Variants in KMT2D observed in about 807,000 individuals in gnomAD.
KMT2D encodes the protein lysine methyltransferase 2D.
A neutral mutation model predicts 512.7 loss-of-function variants in KMT2D; 55 were observed. The ratio of observed to expected loss-of-function variants is 0.11; its 90% CI spans 0.09 to 0.13. KMT2D has a LOEUF of 0.13. Among genes scored for constraint, KMT2D ranks in the 10% least tolerant of loss-of-function variants. The pLI, the probability that KMT2D is intolerant of heterozygous loss-of-function variation, is 1.00. For missense variants in KMT2D, 6,061 were observed against 7,127.9 expected, an observed-to-expected ratio of 0.85 and a Z score of 5.39; for synonymous variants, 2,995 against 2,904.0, an observed-to-expected ratio of 1.03 and a Z score of -1.01.
chr12:49,051,254 G>C lies in KMT2D; in HGVS notation c.2429C>G (p.Thr810Ser), dbSNP rs2120666515. 4 of 1,540,870 alleles carry C rather than the reference G, an allele frequency of 2.6e-6. No homozygotes were observed. Residue 810 changes from threonine (T) to serine (S), a missense_variant, in exon 11 of 55, where the codon ACT (threonine) becomes AGT (serine). Physicochemically the swap from Thr to Ser is moderately conservative, Grantham distance 58. Coordinates refer to ENST00000301067, the MANE Select transcript of KMT2D (RefSeq NM_003482.4). The part of the protein sequence containing the change: ...QPEELHLSPQ[T>S]EEPHLSPVPE... ...CACAGGAGACAGGTGCGGCTCCTCA[G>C]TCTGGGGGGACAGGTGCAATTCCTC... is the stretch of plus-strand genomic sequence containing the variant.
In KMT2D at chr12:49,041,096, T is replaced by G; in HGVS notation, c.6674A>C (p.Glu2225Ala). Reference protein sequence around the residue: ...SSRPGAGQPGEFHTTPPGTPR... With the variant: ...SSRPGAGQPGAFHTTPPGTPR... ...GGTGCCAGGTGGGGTAGTGTGGAAT[T>G]CCCCTGGCTGGCCAGCCCCAGGACG... The change falls in exon 32 of 55, where the codon GAA (glutamate) becomes GCA (alanine). Residue 2225 changes from glutamate (E) to alanine (A), a missense_variant. Physicochemically the swap from Glu to Ala is moderately radical, Grantham distance 107. Coordinates refer to ENST00000301067, the MANE Select transcript of KMT2D (RefSeq NM_003482.4). The surrounding 1 kb of genome is among the most constrained non-coding windows in gnomAD (Gnocchi z 5.4). The G allele has an allele frequency of 6.5e-7, 1 of 1,531,390 alleles. No individual in the cohort carries two copies. Among genetic ancestry groups the G allele is most frequent in the Non-Finnish European group, 8.7e-7 (1 of 1,142,866 alleles). 94.9% of individuals were successfully genotyped at this position (1,531,390 alleles called of 1,614,324 possible). A position where few individuals can be genotyped will look rare whatever the true frequency, so the allele number is the denominator to read the frequency against.
intron 35 of KMT2D, chr12:49,035,999 T>A (rs893797395): frequency 2.0e-5 from 3 of 152,248 alleles, no homozygotes; most frequent in Non-Finnish European, 2.9e-5. Flanking sequence ...TTACTTAACC[T>A]CCACTTCTGT....
chr12:49,025,159 T>G (rs1942511278), intron 49 of KMT2D, among the ~76,000 whole-genome samples: 1 of 152,124 alleles, frequency 6.6e-6, no homozygotes. Flanking sequence ...CACAGAGCCT[T>G]GAGATACAAA....
In KMT2D at chr12:49,059,822, C is replaced by T. The variant is rs1386580812; in HGVS notation, c.-247G>A. ...AAGAGGGGTTCTCTGCCTCAGGTTCCAGCAGTTTAGGTTTCCATGGACAGC... is the reference window on the plus strand; with the variant it reads ...AAGAGGGGTTCTCTGCCTCAGGTTCTAGCAGTTTAGGTTTCCATGGACAGC... On this transcript the variant is annotated 5_prime_UTR_variant, in exon 1 of 55. Coordinates refer to ENST00000301067, the MANE Select transcript of KMT2D (RefSeq NM_003482.4). 2 of 152,278 alleles carry T rather than the reference C, an allele frequency of 1.3e-5. No homozygotes were observed. Among genetic ancestry groups the T allele is most frequent in the Non-Finnish European group, 2.9e-5 (2 of 68,156 alleles). The allele number at this position is 152,278 out of a possible 1,614,324, so 9.4% of individuals were successfully genotyped here.
rs1942915602 is a variant in KMT2D at position 49,031,638 on chromosome 12, C to T, written c.13067G>A (p.Gly4356Glu). Residue 4356 changes from glycine to glutamate, a missense_variant, in exon 40 of 55, where the codon GGG becomes GAG. Around this residue, in one of 16 missense-constraint regions of KMT2D, gnomAD observed 1,600 missense variants for 1,754.9 expected, o/e 0.91. Transcript: ENST00000301067. ...PQGPTLEPPP[G>E]RVSPAAAQLA... ...CTGGGCAGCAGCAGGTGAGACCCTCCCAGGAGGCGGCTCCAAGGTTGGCCC... is the reference window on the plus strand; with the variant it reads ...CTGGGCAGCAGCAGGTGAGACCCTCTCAGGAGGCGGCTCCAAGGTTGGCCC... The T allele has an allele frequency of 6.2e-7, 1 of 1,604,302 alleles. No homozygotes were observed. The highest frequency in any genetic ancestry group is 8.5e-7 in the Non-Finnish European group (1 of 1,175,658).
chr12:49,019,242 CTT>C lies in KMT2D; in HGVS notation c.*2536_*2537del. 2.3e-6 allele frequency: 2 copies of C among 870,426 alleles called. No homozygotes were observed. Among genetic ancestry groups the C allele is most frequent in the Non-Finnish European group, 2.9e-6 (2 of 701,596 alleles). The allele number at this position is 870,426 out of a possible 1,614,324, so 53.9% of individuals were successfully genotyped here. On this transcript the variant is annotated 3_prime_UTR_variant, in exon 55 of 55. Transcript: ENST00000301067. ...AAATAAAGTCTTCACGGGATTCACA[CTT>C]GTCAGCGATTTATTTTTTAAAAAGG...
Position 49,028,039 on chromosome 12 carries a change from C to T in KMT2D, c.14485G>A (p.Glu4829Lys), listed in dbSNP as rs760667471. The change falls in exon 47 of 55, where the codon GAG (glutamate) becomes AAG (lysine). Residue 4829 changes from glutamate (E) to lysine (K), a missense_variant. Physicochemically the swap from Glu to Lys is moderately conservative, Grantham distance 56. This residue lies in a region of KMT2D where 1,600 missense variants were observed against 1,754.9 expected (regional missense o/e 0.91). Coordinates refer to ENST00000301067, the MANE Select transcript of KMT2D (RefSeq NM_003482.4). ...FPESPARAGT[E>K]PKKGEAEGPG... ...CCCTCAGCTTCCCCCTTCTTTGGCT[C>T]AGTGCCTGCCCGGGCGGGGCTCTCT... The T allele has an allele frequency of 4.3e-6, 7 of 1,613,242 alleles. No individual in the cohort carries two copies. The African/African-American group carries it at 9.3e-5, about 22-fold the overall frequency.
chr12:49,034,183 G>A lies in KMT2D; in HGVS notation c.10624C>T (p.Leu3542=). 6.2e-7 allele frequency: 1 copy of A among 1,613,500 alleles called. No homozygotes were observed. The highest frequency in any genetic ancestry group is 2.2e-5 in the East Asian group (1 of 44,874). ...IGVHRKSRKA[L]CAKQRTAKKA... ...TTGGCAGTGCGCTGCTTGGCACACA[G>A]AGCCTTCCGGGACTTGCGGTGTACA... The change falls in exon 39 of 55, where the codon CTG becomes TTG. Residue 3542 remains leucine (L), a synonymous_variant. Transcript: ENST00000301067.
rs760007799 is a variant in KMT2D at position 49,040,001 on chromosome 12, G to A, written c.7769C>T (p.Ser2590Leu). The change falls in exon 32 of 55, where the codon TCG becomes TTG. Residue 2590 changes from serine (S) to leucine (L), a missense_variant. By Grantham distance (145) the Ser-to-Leu change is moderately radical. Transcript: ENST00000301067. ...GCTGCTGGGCCCCAGGGGGCTGCCC[G>A]ATGGGTGGAAGTTCCCTGTGGCTAC... Reference protein sequence around the residue: ...YTVATGNFHPSGSPLGPSSGS... With the variant: ...YTVATGNFHPLGSPLGPSSGS... 23 of 1,613,544 alleles carry A rather than the reference G, an allele frequency of 1.4e-5. No homozygotes were observed. Among genetic ancestry groups the A allele is most frequent in the South Asian group, 7.7e-5 (7 of 91,024 alleles).
intron 1 of KMT2D, among the ~76,000 whole-genome samples, chr12:49,057,473 C>G (rs1039516806): frequency 4.6e-5 from 7 of 152,188 alleles, no homozygotes; most frequent in Non-Finnish European, 1.0e-4. Context: ...CAAGAAGGTA[C>G]AGAAACCACC....
Position 49,051,483 on chromosome 12 carries a change from G to C in KMT2D, c.2200C>G (p.Leu734Val), listed in dbSNP as rs760375425. ...TGCGGCCCCTCGGACCGGGGGCAGA[G>C]TTGCGGCTCCTCAGGTAGTGGCAAC... ...PLLPLPEEPQ[L>V]CPRSEGPHLS... is the part of the protein sequence containing the mutation. The change falls in exon 11 of 55, where the codon CTC (leucine) becomes GTC (valine). Residue 734 changes from leucine to valine, a missense_variant. Coordinates refer to ENST00000301067, the MANE Select transcript of KMT2D (RefSeq NM_003482.4). The C allele has an allele frequency of 2.2e-5, 36 of 1,613,648 alleles. No individual in the cohort carries two copies. The highest frequency in any genetic ancestry group is 3.0e-5 in the Non-Finnish European group (35 of 1,179,734).
rs1428198343 is a variant in KMT2D, at chr12:49,039,556, T to C, written c.8108A>G (p.Glu2703Gly). 9 of 1,611,524 alleles carry C rather than the reference T, an allele frequency of 5.6e-6. No individual in the cohort carries two copies. The South Asian group carries it at 8.8e-5, about 16-fold the overall frequency. Residue 2703 changes from glutamate to glycine, a missense_variant, in exon 33 of 55, where the codon GAG becomes GGG. By Grantham distance (98) the Glu-to-Gly change is moderately conservative. This residue lies in a region of KMT2D where 527 missense variants were observed against 578.9 expected (regional missense o/e 0.91). Coordinates refer to ENST00000301067, the MANE Select transcript of KMT2D (RefSeq NM_003482.4). The surrounding 1 kb of genome is among the most constrained non-coding windows in gnomAD (Gnocchi z 5.0). ...TGCAGCTGCTGCAGCTGTTTCCTTC[T>C]CCTGCCGCAGGGTGTTGCGCTGGAT... ...QQIQRNTLRQ[E>G]KETAAAAAGA...
At position 49,041,760 on chromosome 12, in the gene KMT2D, C is replaced by T; in HGVS notation, c.6184-55G>A. 6.4e-7 allele frequency: 1 copy of T among 1,566,966 alleles called. No homozygotes were observed. The highest frequency in any genetic ancestry group is 1.7e-4 in the Middle Eastern group (1 of 5,922). ...CTAGTGCTTGGTCTCATGCCCCGCCCCCATACTGTAGTGTTTTCACACTCC... is the reference window on the plus strand; with the variant it reads ...CTAGTGCTTGGTCTCATGCCCCGCCTCCATACTGTAGTGTTTTCACACTCC... On this transcript the variant is annotated intron_variant, in intron 30 of 54. Coordinates refer to ENST00000301067, the MANE Select transcript of KMT2D (RefSeq NM_003482.4). This position sits in a 1 kb window ranked among gnomAD's most constrained non-coding sequence, Gnocchi z 5.4.
chr12:49,033,872 T>TTGTTGCTGCTGCTGC lies in KMT2D; in HGVS notation c.10832_10833insGCAGCAGCAGCAACA (p.Gln3608_Gln3612dup), dbSNP rs778667155. On this transcript the variant is annotated inframe_insertion, in exon 40 of 55. Coordinates refer to ENST00000301067, the MANE Select transcript of KMT2D (RefSeq NM_003482.4). ...TGAGAGCCAGCACAGCTGAGTGCTGTTGCTGTTGTTGCTGCTGCTGCTGCT... is the reference window on the plus strand; with the variant it reads ...TGAGAGCCAGCACAGCTGAGTGCTGTTGTTGCTGCTGCTGCTGCTGTTGTTGCTGCTGCTGCTGCT... 11 of 1,550,810 alleles carry TTGTTGCTGCTGCTGC rather than the reference T, an allele frequency of 7.1e-6. No homozygotes were observed. In the East Asian group the frequency reaches 2.4e-4, roughly 34 times the overall value.
At chr12:49,053,705 T>TAC in intron 6 of KMT2D, 64 bp from the exon 7 acceptor site, 1 of 1,500,478 alleles carries the variant, frequency 6.7e-7, no homozygotes, top group Non-Finnish European at 9.0e-7. Context: ...CACATTGCTG[T>TAC]ACACAAAACA....
In KMT2D at chr12:49,039,768, C is replaced by T. The variant is rs768870625; in HGVS notation, c.8002G>A (p.Gly2668Ser). The T allele has an allele frequency of 6.2e-7, 1 of 1,613,870 alleles. No individual in the cohort carries two copies. The highest frequency in any genetic ancestry group is 2.2e-5 in the East Asian group (1 of 44,892). Residue 2668 changes from glycine (G) to serine (S), a missense_variant, in exon 32 of 55, where the codon GGC (glycine) becomes AGC (serine). By Grantham distance (56) the Gly-to-Ser change is moderately conservative (BLOSUM62 0). This residue lies in a region of KMT2D where 527 missense variants were observed against 578.9 expected (regional missense o/e 0.91). Transcript: ENST00000301067. This position sits in a 1 kb window ranked among gnomAD's most constrained non-coding sequence, Gnocchi z 5.0. ...TAELPGTQDP[G>S]MSGLSQTELE... ...TCTGTTTGGCTAAGGCCGGACATGCCTGGGTCCTGGGTACCTGGGAGTTCA... is the reference window on the plus strand; with the variant it reads ...TCTGTTTGGCTAAGGCCGGACATGCTTGGGTCCTGGGTACCTGGGAGTTCA...
Position 49,021,773 on chromosome 12 carries a change from A to T in KMT2D, c.*7T>A, listed in dbSNP as rs1472408277. ...GGGACTCCCCTGCCTGGTAGCCTCA[A>T]AGCTTCTTAGTTCATCCATTTCCGA... On this transcript the variant is annotated 3_prime_UTR_variant, in exon 55 of 55. Coordinates refer to ENST00000301067, the MANE Select transcript of KMT2D (RefSeq NM_003482.4). 6 of 1,610,826 alleles carry T rather than the reference A, an allele frequency of 3.7e-6. No homozygotes were observed. Among genetic ancestry groups the T allele is most frequent in the Non-Finnish European group, 4.2e-6 (5 of 1,176,998 alleles).
In KMT2D at chr12:49,060,142, C is replaced by G. The variant is rs978127863; in HGVS notation, c.-567G>C. Among the ~76,000 whole-genome samples the G allele has an allele frequency of 1.5e-4, 23 of 151,032 alleles. No individual in the cohort carries two copies. Among genetic ancestry groups the G allele is most frequent in the African/African-American group, 5.1e-4 (21 of 41,154 alleles). The stretch of plus-strand genomic sequence containing the variant: ...CCCCGCCCCGGCCGGCGCCCGGGGC[C>G]GCGCGAGCTACGGCGACGCGGGGCC... On this transcript the variant is annotated 5_prime_UTR_variant, in exon 1 of 55. Coordinates refer to ENST00000301067, the MANE Select transcript of KMT2D (RefSeq NM_003482.4).
In KMT2D at chr12:49,034,439, T is replaced by G; in HGVS notation, c.10478A>C (p.Asn3493Thr). The G allele has an allele frequency of 6.2e-7, 1 of 1,613,578 alleles. No individual in the cohort carries two copies. Among genetic ancestry groups the G allele is most frequent in the Non-Finnish European group, 8.5e-7 (1 of 1,179,772 alleles). Residue 3493 changes from asparagine to threonine, a missense_variant, in exon 38 of 55, where the codon AAC (asparagine) becomes ACC (threonine). By Grantham distance (65) the Asn-to-Thr change is moderately conservative (BLOSUM62 0). This residue lies in a region of KMT2D where 533 missense variants were observed against 539.6 expected (regional missense o/e 0.99). Coordinates refer to ENST00000301067, the MANE Select transcript of KMT2D (RefSeq NM_003482.4). ...CACTCCCTGAGCAAAAGTGGGCGGG[T>G]TGGGACGAGGCTGGGAGGGATCACC... is the stretch of plus-strand genomic sequence containing the variant. ...SAGDPSQPRPNPPTFAQGVIN... is the reference protein window; with the variant it reads ...SAGDPSQPRPTPPTFAQGVIN...
Sources: allele counts gnomAD v4.1 joint callset (sites outside exome capture counted in the v4.1 genomes callset), GRCh38; gene constraint gnomAD v4.1.1; regional missense constraint gnomAD v4.1.1; non-coding constraint Gnocchi (gnomAD v3.1); transcripts MANE v1.5; gene names NCBI Gene and HGNC (gene_info 2026-07-23, HGNC 2026-07-21).